SCHIP1: variants seen among roughly 807,000 people sequenced by gnomAD.
SCHIP1 encodes schwannomin interacting protein 1, also known as schwannomin-interacting protein 1.
A neutral mutation model predicts 29.7 loss-of-function variants in SCHIP1; 8 were observed. The observed-to-expected ratio is 0.27, with a 90% confidence interval of 0.16 to 0.49. The LOEUF is 0.49. Ranked by LOEUF, SCHIP1 falls within the 20% of genes least tolerant of loss-of-function variation. The pLI, the probability that SCHIP1 is intolerant of heterozygous loss-of-function variation, is 0.99. For missense variants in SCHIP1, 193 were observed against 294.6 expected (o/e 0.66, Z 2.52); for synonymous variants, 76 against 94.9 (o/e 0.80, Z 1.16).
chr3:159,892,998 G>A (rs1717693897), intron 6 of SCHIP1: 1 of 152,190 alleles, frequency 6.6e-6, no homozygotes, highest in African/African-American at 2.4e-5. Context: ...CTCCAAAGAA[G>A]GAACACCTCT....
At chr3:159,495,101 G>A in the SCHIP1 span, among the ~76,000 whole-genome samples, 5 of 152,130 alleles carry the variant, frequency 3.3e-5, no homozygotes, top group African/African-American at 7.2e-5. Flanking sequence ...TTGATGGGAC[G>A]TATCTCAAAA....
chr3:159,633,716 A>T, the SCHIP1 span, among the ~76,000 whole-genome samples: 256 of 152,272 alleles, frequency 1.7e-3, 1 homozygote, highest in African/African-American at 5.9e-3. Flanking sequence ...TGGCTCAAGA[A>T]ATATATATCC....
At chr3:159,428,698 A>G in the SCHIP1 span, among the ~76,000 whole-genome samples, 1 of 151,636 alleles carries the variant, frequency 6.6e-6, no homozygotes, top group Non-Finnish European at 1.5e-5. Context: ...ATTACTGGGT[A>G]TATACCCAAA....
the SCHIP1 span, among the ~76,000 whole-genome samples, chr3:159,565,647 C>T: frequency 7.1e-4 from 108 of 151,460 alleles, 1 homozygote; most frequent in South Asian, 8.2e-3. Flanking sequence ...TCATAAGTTC[C>T]ATTAACACTA....
chr3:159,702,627 G>GA, the SCHIP1 span, among the ~76,000 whole-genome samples: 1 of 152,158 alleles, frequency 6.6e-6, no homozygotes. Flanking sequence ...ATTCTGTAAA[G>GA]AAAAAATGCG....
the SCHIP1 span, among the ~76,000 whole-genome samples, chr3:159,725,628 G>A: frequency 6.6e-6 from 1 of 152,042 alleles, no homozygotes; most frequent in African/African-American, 2.4e-5. Flanking sequence ...TCTCCCAGTG[G>A]AAAACTATGA....
chr3:159,612,035 A>G, the SCHIP1 span, among the ~76,000 whole-genome samples: 2 of 152,146 alleles, frequency 1.3e-5, no homozygotes, highest in African/African-American at 2.4e-5. Flanking sequence ...TGCTGTTAAA[A>G]TCAAAACTTT....
At chr3:159,839,841 C>A, upstream of SCHIP1, 1 of 1,276,762 alleles carries the variant, frequency 7.8e-7, no homozygotes, top group African/African-American at 1.5e-5. Flanking sequence ...CAGAAGGTCA[C>A]ACCAGCTCCA....
At chr3:159,871,544 A>G (rs1023734226) in intron 2 of SCHIP1, among the ~76,000 whole-genome samples, 2 of 152,204 alleles carry the variant, frequency 1.3e-5, no homozygotes, top group African/African-American at 4.8e-5. Context: ...TGAATAAATG[A>G]ATGGTGAACT....
At chr3:159,604,515 A>G in the SCHIP1 span, among the ~76,000 whole-genome samples, 31,134 of 152,136 alleles carry the variant, frequency 0.2, 8,679 homozygotes, top group African/African-American at 0.63. Context: ...GCACTGTGCC[A>G]GGGGCTGGAA....
intron 4 of SCHIP1, chr3:159,888,434 T>A (rs1717168587): frequency 5.1e-6 from 1 of 197,970 alleles, no homozygotes; most frequent in South Asian, 1.1e-4. Flanking sequence ...TTCAGTGAGA[T>A]AAAGTATTCA....
chr3:159,832,944 GTTA>G, the SCHIP1 span, among the ~76,000 whole-genome samples: 4 of 152,222 alleles, frequency 2.6e-5, no homozygotes, highest in East Asian at 1.9e-4. Flanking sequence ...TTTATTACCT[GTTA>G]TTGTTGTTAA....
the SCHIP1 span, among the ~76,000 whole-genome samples, chr3:159,445,409 A>G: frequency 1.3e-5 from 2 of 151,234 alleles, no homozygotes; most frequent in East Asian, 3.9e-4. Context: ...AGAAATAGGA[A>G]CACTTTTACA....
the SCHIP1 span, among the ~76,000 whole-genome samples, chr3:159,749,999 T>A: frequency 6.6e-6 from 1 of 151,998 alleles, no homozygotes; most frequent in Non-Finnish European, 1.5e-5. Context: ...ATACTAGCAA[T>A]AATTCTATAT....
chr3:159,288,773 T>C, the SCHIP1 span, among the ~76,000 whole-genome samples: 1 of 152,302 alleles, frequency 6.6e-6, no homozygotes, highest in South Asian at 2.1e-4. Flanking sequence ...TGAGAACACA[T>C]GCTTCAGCTC....
At chr3:159,765,161 C>T in the SCHIP1 span, 4 of 1,542,068 alleles carry the variant, frequency 2.6e-6, no homozygotes, top group South Asian at 2.4e-5. Flanking sequence ...GGGTGCGTGC[C>T]CACGCGCGCA....
chr3:159,788,505 C>G, the SCHIP1 span, among the ~76,000 whole-genome samples: 1 of 152,254 alleles, frequency 6.6e-6, no homozygotes, highest in East Asian at 1.9e-4. Flanking sequence ...GTTGGTTCAT[C>G]TACACACTCT....
upstream of SCHIP1, chr3:159,839,858 T>A: frequency 2.2e-6 from 3 of 1,359,984 alleles, no homozygotes; most frequent in Non-Finnish European, 2.8e-6. Context: ...TCCAGACTGA[T>A]CCTTTTCTTT....
chr3:159,609,500 C>T, the SCHIP1 span, among the ~76,000 whole-genome samples: 4 of 152,100 alleles, frequency 2.6e-5, no homozygotes, highest in Admixed American at 6.5e-5. Flanking sequence ...GAGTGTGTGG[C>T]CGCTTAGCTG....
Sources: allele counts gnomAD v4.1 joint callset (sites outside exome capture counted in the v4.1 genomes callset), GRCh38; gene constraint gnomAD v4.1.1; transcripts MANE v1.5; gene names NCBI Gene and HGNC (gene_info 2026-07-23, HGNC 2026-07-21).